Variants in TNS1 observed in about 807,000 individuals in gnomAD.
The protein encoded by TNS1 is tensin 1, also known as tensin-1.
Under a neutral mutation model 168.6 loss-of-function variants are expected in TNS1, and 62 were observed. That is an observed-to-expected ratio of 0.37 (90% CI 0.30 to 0.45). The LOEUF (loss-of-function observed/expected upper bound fraction) is 0.45. Ranked by LOEUF, TNS1 falls within the 20% of genes least tolerant of loss-of-function variation. The probability of loss-of-function intolerance (pLI) is 1.00; values close to 1 mark genes in which losing one functional copy is unlikely to be tolerated. For synonymous variants in TNS1, 934 were observed against 933.2 expected, an observed-to-expected ratio of 1.00 and a Z score of -0.02; for missense variants, 2,240 against 2,339.4, an observed-to-expected ratio of 0.96 and a Z score of 0.88.
chr2:217,946,961 T>TCACACACACACACACACA (rs1363329507), intron 3 of TNS1, among the ~76,000 whole-genome samples: 5 of 133,864 alleles, frequency 3.7e-5, no homozygotes, highest in African/African-American at 1.4e-4. Flanking sequence ...TCTCTCTCTC[T>TCACACACACACACACACA]CTCTCTCTCA....
chr2:217,934,091 C>T (rs1021153407), intron 3 of TNS1, among the ~76,000 whole-genome samples: 4 of 152,172 alleles, frequency 2.6e-5, no homozygotes, highest in African/African-American at 7.2e-5. Flanking sequence ...AACCTTACAG[C>T]GGAGAAATGT....
chr2:217,889,739 C>T (rs894926598), intron 12 of TNS1, among the ~76,000 whole-genome samples: 15 of 152,222 alleles, frequency 9.9e-5, no homozygotes, highest in African/African-American at 3.1e-4. Flanking sequence ...TAAGCCCTTG[C>T]CTGGCGGATT....
At chr2:217,814,533 A>C (rs1941553316) in intron 25 of TNS1, among the ~76,000 whole-genome samples, 1 of 152,174 alleles carries the variant, frequency 6.6e-6, no homozygotes, top group South Asian at 2.1e-4. Flanking sequence ...CCCCTGTCCC[A>C]CACCCAGCCT....
chr2:217,964,951 C>A (rs1406093240), intron 3 of TNS1, among the ~76,000 whole-genome samples: 5 of 152,210 alleles, frequency 3.3e-5, no homozygotes, highest in Non-Finnish European at 7.3e-5. Context: ...CACTCATCAG[C>A]CAGGAGCCAG....
intron 2 of TNS1, among the ~76,000 whole-genome samples, chr2:217,980,208 A>C (rs1575155394): frequency 6.6e-6 from 1 of 151,760 alleles, no homozygotes; most frequent in Admixed American, 6.6e-5. Flanking sequence ...GGTTTTCCTG[A>C]CCCCACCAGC....
At chr2:217,854,922 C>T (rs535953509) in intron 18 of TNS1, among the ~76,000 whole-genome samples, 1 of 152,290 alleles carries the variant, frequency 6.6e-6, no homozygotes, top group South Asian at 2.1e-4. Context: ...ATCTTAATGG[C>T]CATATCAGCT....
chr2:218,018,135 G>A (rs751276101), intron 1 of TNS1, among the ~76,000 whole-genome samples: 13 of 152,194 alleles, frequency 8.5e-5, no homozygotes, highest in South Asian at 2.1e-4. Flanking sequence ...AGGAAGCACA[G>A]CAACAATTTC....
At chr2:218,026,790 C>T (rs1211226909) in intron 1 of TNS1, among the ~76,000 whole-genome samples, 1 of 152,234 alleles carries the variant, frequency 6.6e-6, no homozygotes, top group Non-Finnish European at 1.5e-5. Context: ...CCCTCAAGGG[C>T]AGGGCAGACA....
At chr2:217,918,850 C>A (rs980253143) in intron 4 of TNS1, among the ~76,000 whole-genome samples, 1 of 152,142 alleles carries the variant, frequency 6.6e-6, no homozygotes, top group Non-Finnish European at 1.5e-5. Flanking sequence ...CCCCCAGCCC[C>A]CGCTGTTGCC....
chr2:217,893,385 C>A (rs111701085), intron 10 of TNS1, 54 bp downstream of exon 10: 3 of 1,520,552 alleles, frequency 2.0e-6, no homozygotes, highest in Non-Finnish European at 2.6e-6. Context: ...CACACATGTG[C>A]GCATGTGCGC....
intron 4 of TNS1, among the ~76,000 whole-genome samples, chr2:217,907,865 G>T (rs1190670017): frequency 6.6e-6 from 1 of 152,124 alleles, no homozygotes; most frequent in African/African-American, 2.4e-5. Flanking sequence ...CTTCTTGCCT[G>T]TTCCCACATC....
At chr2:217,886,687 T>C in intron 12 of TNS1, 41 bp from the exon 13 acceptor site, 4 of 1,427,732 alleles carry the variant, frequency 2.8e-6, no homozygotes, top group Non-Finnish European at 3.9e-6. Flanking sequence ...GTGAGGTGGG[T>C]ACTGGTGCAG....
chr2:217,938,423 C>T (rs984996593), intron 3 of TNS1, among the ~76,000 whole-genome samples: 1 of 152,258 alleles, frequency 6.6e-6, no homozygotes, highest in Non-Finnish European at 1.5e-5. Flanking sequence ...GGGTTCAAAG[C>T]TCTCAGCTTA....
At chr2:217,979,159 TAAGGGGGGCCTTCTCCCCTTAC>T (rs1263885355) in intron 2 of TNS1, among the ~76,000 whole-genome samples, 1 of 152,090 alleles carries the variant, frequency 6.6e-6, no homozygotes, top group Non-Finnish European at 1.5e-5. Flanking sequence ...CACCAAGGAA[TAAGGGGGGCCTTCTCCCCTTAC>T]ACACACACCA....
chr2:217,944,410 G>T (rs1028476267), intron 3 of TNS1, among the ~76,000 whole-genome samples: 2 of 152,224 alleles, frequency 1.3e-5, no homozygotes, highest in Non-Finnish European at 2.9e-5. Flanking sequence ...CTATAGAAAA[G>T]ACGCAGGTGC....
intron 3 of TNS1, among the ~76,000 whole-genome samples, chr2:217,931,156 G>T (rs754750549): frequency 4.6e-5 from 7 of 152,146 alleles, no homozygotes; most frequent in Non-Finnish European, 1.0e-4. Flanking sequence ...TGTAAACAGA[G>T]AATTGTAAAA....
intron 19 of TNS1, among the ~76,000 whole-genome samples, chr2:217,846,970 C>A (rs1330673151): frequency 6.6e-6 from 1 of 152,218 alleles, no homozygotes; most frequent in African/African-American, 2.4e-5. Context: ...TTCATGGCCT[C>A]TAGGAGCGGG....
intron 2 of TNS1, among the ~76,000 whole-genome samples, chr2:217,988,142 G>A (rs986410846): frequency 6.6e-6 from 1 of 152,174 alleles, no homozygotes; most frequent in African/African-American, 2.4e-5. Context: ...CTGCTACAGT[G>A]TAGCCCTGGC....
chr2:217,858,700 A>ACACACACACACACACCCC (rs1212064824), intron 18 of TNS1: 2 of 188,238 alleles, frequency 1.1e-5, no homozygotes, highest in Admixed American at 7.0e-5. Flanking sequence ...ACACACACAC[A>ACACACACACACACACCCC]CCCCACTCCC....
Sources: gnomAD v4.1 joint callset for allele counts (sites outside exome capture counted in the v4.1 genomes callset) on GRCh38, gnomAD v4.1.1 for gene constraint, MANE v1.5 for transcripts, NCBI Gene and HGNC (gene_info 2026-07-23, HGNC 2026-07-21) for gene names.